The following WDR64 variants were observed in gnomAD, a reference collection of about 807,000 sequenced individuals.
WDR64 encodes WD repeat-containing protein 64.
A neutral mutation model predicts 139.3 loss-of-function variants in WDR64; 112 were observed. That is an observed-to-expected ratio of 0.80 (90% CI 0.69 to 0.94). The LOEUF is 0.94. Among genes scored for constraint, WDR64 ranks in the 40% least tolerant of loss-of-function variants. The pLI is 0.00. For synonymous variants in WDR64, 444 were observed against 437.7 expected, an observed-to-expected ratio of 1.01 and a Z score of -0.18; for missense variants, 1,206 against 1,293.1, an observed-to-expected ratio of 0.93 and a Z score of 1.03.
intron 27 of WDR64, among the ~76,000 whole-genome samples, chr1:241,800,285 A>G (rs1659483229): frequency 6.6e-6 from 1 of 152,108 alleles, no homozygotes; most frequent in Non-Finnish European, 1.5e-5. Flanking sequence ...TCTTGACCTT[A>G]GGAGCTCACT....
Position 241,738,494 on chromosome 1 carries a change from G to A in WDR64, c.1321+5G>A. 2 of 1,603,044 alleles carry A rather than the reference G, an allele frequency of 1.2e-6. No individual in the cohort carries two copies. Among genetic ancestry groups the A allele is most frequent in the Non-Finnish European group, 1.7e-6 (2 of 1,176,030 alleles). Reference sequence around the variant, plus strand: ...ATCATGGCATGCTTATTACGGGTAAGTGTACCCAATTAATGTCAAACGAAA... The same window carrying A: ...ATCATGGCATGCTTATTACGGGTAAATGTACCCAATTAATGTCAAACGAAA... On this transcript the variant is annotated splice_donor_5th_base_variant and intron_variant, in intron 11 of 27. Transcript: ENST00000437684.
At chr1:241,713,505 A>AAAAG (rs368186655) in intron 9 of WDR64, among the ~76,000 whole-genome samples, 5 of 129,842 alleles carry the variant, frequency 3.9e-5, no homozygotes, top group East Asian at 2.0e-4. Flanking sequence ...ACGGAAAGAA[A>AAAAG]AAAGAAAGAA....
Position 241,769,494 on chromosome 1 carries a change from T to C in WDR64, c.2172T>C (p.Pro724=). 1.3e-6 allele frequency: 2 copies of C among 1,551,260 alleles called. No individual in the cohort carries two copies. The highest frequency in any genetic ancestry group is 2.4e-5 in the South Asian group (2 of 84,056). ...ACATACTGTTCCTCTTTCGTACCCCTGAATGTGCAAGGTAACTCGTTACTT... is the reference window on the plus strand; with the variant it reads ...ACATACTGTTCCTCTTTCGTACCCCCGAATGTGCAAGGTAACTCGTTACTT... ...INDILFLFRT[P]ECARRSSQDS... Residue 724 remains proline, a synonymous_variant, in exon 17 of 28, where the codon CCT becomes CCC. Coordinates refer to ENST00000437684, the MANE Select transcript of WDR64 (RefSeq NM_001367482.1).
chr1:241,731,050 A>G (rs540355801), intron 10 of WDR64, among the ~76,000 whole-genome samples: 2 of 152,242 alleles, frequency 1.3e-5, no homozygotes, highest in South Asian at 2.1e-4. Context: ...ATTCAGTTAT[A>G]TCTATATTGC....
chr1:241,717,208 C>G (rs1420470461), intron 9 of WDR64, among the ~76,000 whole-genome samples: 1 of 152,206 alleles, frequency 6.6e-6, no homozygotes, highest in Non-Finnish European at 1.5e-5. Context: ...GAGTTTCTTA[C>G]TACCTATGAA....
At chr1:241,765,385 G>T (rs1658106649) in intron 15 of WDR64, among the ~76,000 whole-genome samples, 1 of 151,716 alleles carries the variant, frequency 6.6e-6, no homozygotes, top group Non-Finnish European at 1.5e-5. Context: ...AGAAACAGTT[G>T]AAAAAAAATG....
intron 15 of WDR64, among the ~76,000 whole-genome samples, chr1:241,759,271 A>C (rs1221361908): frequency 1.3e-5 from 2 of 152,134 alleles, no homozygotes; most frequent in Non-Finnish European, 2.9e-5. Context: ...ATGTACTGTC[A>C]AATTACTGTG....
At chr1:241,684,508 T>C (rs1209458279) in intron 7 of WDR64, among the ~76,000 whole-genome samples, 2 of 152,220 alleles carry the variant, frequency 1.3e-5, no homozygotes, top group African/African-American at 2.4e-5. Context: ...GTCTTCCTTA[T>C]TTATCATAGA....
At position 241,723,302 on chromosome 1, in the gene WDR64, G is replaced by GA; in HGVS notation, c.1061dup (p.Asp354GlufsTer2). The GA allele has an allele frequency of 6.2e-7, 1 of 1,613,772 alleles. No individual in the cohort carries two copies. The highest frequency in any genetic ancestry group is 8.5e-7 in the Non-Finnish European group (1 of 1,179,828). On this transcript the variant is annotated frameshift_variant, in exon 10 of 28. Coordinates refer to ENST00000437684, the MANE Select transcript of WDR64 (RefSeq NM_001367482.1). LOFTEE classifies it high-confidence loss of function. The stretch of plus-strand genomic sequence containing the variant: ...TTCCCTGTCCTCCTTTTCAGGAGAT[G>GA]ATAAGGTCATCCGGTTGTGGCACCC...
chr1:241,691,785 G>A lies in WDR64; in HGVS notation c.974+4190G>A, dbSNP rs144719692. 8.4e-3 allele frequency among the ~76,000 whole-genome samples: 1,278 copies of A among 152,206 alleles called. 5 individuals are homozygous for A. Among genetic ancestry groups the A allele is most frequent in the Non-Finnish European group, 0.014 (919 of 67,994 alleles). On this transcript the variant is annotated intron_variant, in intron 8 of 27. Coordinates refer to ENST00000437684, the MANE Select transcript of WDR64 (RefSeq NM_001367482.1). ...TCCCAGCACTTTGGGGGGCCAAGGC[G>A]GGCAGATCACCTGTGCTCAGGAGTT...
In WDR64 at chr1:241,657,438, C is replaced by T. The variant is rs564855495; in HGVS notation, c.146-3092C>T. ...CCGCTTCTGACTCTAGCTCTGCCCT[C>T]CTTCGCCCCTGGTCTCACCTCACAG... On this transcript the variant is annotated intron_variant, in intron 1 of 27. Coordinates refer to ENST00000437684, the MANE Select transcript of WDR64 (RefSeq NM_001367482.1). Among the ~76,000 whole-genome samples, 5 of 152,312 alleles carry T rather than the reference C, an allele frequency of 3.3e-5. No homozygotes were observed. In the East Asian group the frequency reaches 5.8e-4, roughly 18 times the overall value.
chr1:241,788,946 T>C (rs140637759), intron 24 of WDR64, among the ~76,000 whole-genome samples: 1 of 152,168 alleles, frequency 6.6e-6, no homozygotes, highest in Non-Finnish European at 1.5e-5. Flanking sequence ...AATGTTCATA[T>C]ATCCTAGTAC....
At position 241,735,855 on chromosome 1, in the gene WDR64, CTGTG is replaced by C. The variant is rs59974714; in HGVS notation, c.1195-2476_1195-2473del. Among the ~76,000 whole-genome samples the C allele has an allele frequency of 9.5e-3, 683 of 71,632 alleles. 8 individuals are homozygous for C. The highest frequency in any genetic ancestry group is 0.03 in the Middle Eastern group (3 of 100). 47.0% of individuals were successfully genotyped at this position (71,632 alleles called of 152,430 possible). On this transcript the variant is annotated intron_variant, in intron 10 of 27. Transcript: ENST00000437684. ...TCTCTCTCTCTCTCTCTCTCTCTCT[CTGTG>C]TGTGTGTGTGTGTGTGTGTGTGTGT... is the stretch of plus-strand genomic sequence containing the variant.
At chr1:241,737,715 G>T (rs915187265) in intron 10 of WDR64, among the ~76,000 whole-genome samples, 6 of 152,122 alleles carry the variant, frequency 3.9e-5, no homozygotes, top group African/African-American at 1.4e-4. Context: ...ACCTAGTTTT[G>T]CAGAATTTGT....
At position 241,796,311 on chromosome 1, in the gene WDR64, A is replaced by C. The variant is rs1659362669; in HGVS notation, c.3133A>C (p.Lys1045Gln). Residue 1045 changes from lysine (K) to glutamine (Q), a missense_variant, in exon 27 of 28, where the codon AAG (lysine) becomes CAG (glutamine). Transcript: ENST00000437684. ...FLPLIGVEAQKDSSDGITGKK... is the reference protein window; with the variant it reads ...FLPLIGVEAQQDSSDGITGKK... ...TCCACTGATTGGCGTAGAAGCCCAA[A>C]AGGACTCTTCAGATGGCATTACAGG... 15 of 1,613,958 alleles carry C rather than the reference A, an allele frequency of 9.3e-6. No homozygotes were observed. Among genetic ancestry groups the C allele is most frequent in the Non-Finnish European group, 1.3e-5 (15 of 1,179,944 alleles).
rs1247388834 is a variant in WDR64 at position 241,744,412 on chromosome 1, G to C, written c.1490G>C (p.Gly497Ala). 1.2e-6 allele frequency: 2 copies of C among 1,614,042 alleles called. No individual in the cohort carries two copies. The highest frequency in any genetic ancestry group is 1.1e-5 in the South Asian group (1 of 91,064). ...SIIRVWELET[G>A]LQVYQILEPH... Reference sequence around the variant, plus strand: ...CCATAGGTATGGGAACTCGAGACTGGGCTCCAAGTATACCAGATTTTAGAA... The same window carrying C: ...CCATAGGTATGGGAACTCGAGACTGCGCTCCAAGTATACCAGATTTTAGAA... The change falls in exon 13 of 28, where the codon GGG becomes GCG. Residue 497 changes from glycine (G) to alanine (A), a missense_variant. Gly to Ala is a moderately conservative substitution (Grantham distance 60). Transcript: ENST00000437684.
chr1:241,689,366 C>A (rs1435729489), intron 8 of WDR64, among the ~76,000 whole-genome samples: 1 of 152,090 alleles, frequency 6.6e-6, no homozygotes, highest in Non-Finnish European at 1.5e-5. Flanking sequence ...TATAAAGACA[C>A]ATATAGGCTA....
intron 13 of WDR64, among the ~76,000 whole-genome samples, chr1:241,748,744 C>T (rs965292496): frequency 1.3e-5 from 2 of 152,004 alleles, no homozygotes; most frequent in African/African-American, 2.4e-5. Flanking sequence ...TCGAGACCAT[C>T]CTGGCTAACA....
At chr1:241,756,094 T>C (rs1189213332) in intron 14 of WDR64, among the ~76,000 whole-genome samples, 1 of 152,228 alleles carries the variant, frequency 6.6e-6, no homozygotes, top group Non-Finnish European at 1.5e-5. Flanking sequence ...TCTAATTCTG[T>C]GAAGAAAGTC....
Sources: gnomAD v4.1 joint callset for allele counts (sites outside exome capture counted in the v4.1 genomes callset) on GRCh38, gnomAD v4.1.1 for gene constraint, MANE v1.5 for transcripts, NCBI Gene and HGNC (gene_info 2026-07-23, HGNC 2026-07-21) for gene names.